Variants in NALF1 observed in about 807,000 individuals in gnomAD.
NALF1 encodes family with sequence similarity 155 member A.
Under a neutral mutation model 48.4 loss-of-function variants are expected in NALF1, and 3 were observed. The observed-to-expected ratio is 0.06, with a 90% CI of 0.03 to 0.16. The LOEUF (loss-of-function observed/expected upper bound fraction) is 0.16, where lower values mean the gene tolerates loss of function less well. NALF1 is among the 10% of genes least tolerant of loss of function. The probability of loss-of-function intolerance (pLI) is 1.00; values close to 1 mark genes in which losing one functional copy is unlikely to be tolerated. For synonymous variants in NALF1, 262 were observed against 245.7 expected (o/e 1.07, Z -0.62); for missense variants, 526 against 571.5 (o/e 0.92, Z 0.81).
At chr13:107,181,392 A>T (rs553017642) in intron 2 of NALF1, among the ~76,000 whole-genome samples, 7 of 151,730 alleles carry the variant, frequency 4.6e-5, no homozygotes, top group Admixed American at 1.3e-4. Context: ...ATTTGATAAT[A>T]GCTTTAGCCA....
chr13:107,796,875 G>A (rs1196815765), intron 1 of NALF1, among the ~76,000 whole-genome samples: 1 of 152,062 alleles, frequency 6.6e-6, no homozygotes, highest in Non-Finnish European at 1.5e-5. Flanking sequence ...ACTAACCTCT[G>A]GCACACTCAT....
At chr13:107,612,486 A>C (rs1437954693) in intron 1 of NALF1, among the ~76,000 whole-genome samples, 1 of 152,080 alleles carries the variant, frequency 6.6e-6, no homozygotes, top group Non-Finnish European at 1.5e-5. Context: ...GGGTGTGTCT[A>C]CGCTAGTGTT....
chr13:107,642,713 GAT>G (rs2138459883), intron 1 of NALF1, among the ~76,000 whole-genome samples: 1 of 152,304 alleles, frequency 6.6e-6, no homozygotes, highest in Non-Finnish European at 1.5e-5. Flanking sequence ...CACGTTAGAT[GAT>G]AATGGGGAAA....
chr13:107,606,288 GTT>G (rs752120830), intron 1 of NALF1, among the ~76,000 whole-genome samples: 7 of 151,398 alleles, frequency 4.6e-5, no homozygotes, highest in African/African-American at 1.5e-4. Flanking sequence ...ATATGTGTGT[GTT>G]TGTGTGTGTA....
chr13:107,823,020 A>C (rs1340065002), intron 1 of NALF1, among the ~76,000 whole-genome samples: 1 of 152,134 alleles, frequency 6.6e-6, no homozygotes, highest in East Asian at 1.9e-4. Flanking sequence ...GAGAATGAGA[A>C]TCTCTGTAAA....
intron 1 of NALF1, among the ~76,000 whole-genome samples, chr13:107,391,238 A>G (rs1883622255): frequency 6.6e-6 from 1 of 152,108 alleles, no homozygotes; most frequent in Non-Finnish European, 1.5e-5. Context: ...CTGAGGACTA[A>G]GCTCTAATTT....
intron 1 of NALF1, among the ~76,000 whole-genome samples, chr13:107,398,483 G>A (rs1883751155): frequency 6.6e-6 from 1 of 151,816 alleles, no homozygotes; most frequent in Admixed American, 6.6e-5. Context: ...TCTGGAAACT[G>A]AATGAAAGCA....
chr13:107,268,901 G>C (rs1485833694), intron 1 of NALF1, among the ~76,000 whole-genome samples: 1 of 152,136 alleles, frequency 6.6e-6, no homozygotes, highest in Non-Finnish European at 1.5e-5. Flanking sequence ...TAAGTATTTT[G>C]TTTGCTTTTC....
intron 1 of NALF1, among the ~76,000 whole-genome samples, chr13:107,564,285 A>G (rs1277992093): frequency 6.6e-6 from 1 of 152,166 alleles, no homozygotes; most frequent in Non-Finnish European, 1.5e-5. Flanking sequence ...TTGTTTGTAT[A>G]TGTGTGCATG....
intron 1 of NALF1, among the ~76,000 whole-genome samples, chr13:107,280,177 T>C (rs1024822954): frequency 7.9e-5 from 12 of 152,232 alleles, no homozygotes; most frequent in African/African-American, 2.9e-4. Flanking sequence ...TTTTTATGTC[T>C]GAACATTAGA....
intron 1 of NALF1, among the ~76,000 whole-genome samples, chr13:107,412,216 C>A (rs1372558953): frequency 2.0e-5 from 3 of 152,140 alleles, no homozygotes; most frequent in Admixed American, 2.0e-4. Flanking sequence ...ATAATCATAG[C>A]TGACACTTAC....
At chr13:107,533,327 C>G (rs2139110297) in intron 1 of NALF1, among the ~76,000 whole-genome samples, 1 of 152,198 alleles carries the variant, frequency 6.6e-6, no homozygotes, top group South Asian at 2.1e-4. Flanking sequence ...AACCAAATCA[C>G]CACAGTGACA....
At chr13:107,686,422 G>A (rs2138500541) in intron 1 of NALF1, among the ~76,000 whole-genome samples, 1 of 151,598 alleles carries the variant, frequency 6.6e-6, no homozygotes, top group Admixed American at 6.6e-5. Flanking sequence ...TTGAGACGGA[G>A]GCTCACTCTG....
chr13:107,229,073 G>T (rs1373079246), intron 1 of NALF1, among the ~76,000 whole-genome samples: 3 of 152,026 alleles, frequency 2.0e-5, no homozygotes. Flanking sequence ...ATGTTTTATG[G>T]TATTTACTAA....
chr13:107,840,758 A>G (rs573772669), intron 1 of NALF1, among the ~76,000 whole-genome samples: 9 of 152,164 alleles, frequency 5.9e-5, no homozygotes, highest in Non-Finnish European at 1.2e-4. Context: ...GGTTTTCAGT[A>G]CATCAAACCC....
intron 1 of NALF1, among the ~76,000 whole-genome samples, chr13:107,257,260 G>T (rs910815919): frequency 1.3e-5 from 2 of 152,096 alleles, no homozygotes; most frequent in African/African-American, 4.8e-5. Flanking sequence ...ACACAGAGCC[G>T]AACCATGTTA....
At position 107,861,356 on chromosome 13, in the gene NALF1, G is replaced by A. The variant is rs529298712; in HGVS notation, c.915+4326C>T. 1.6e-4 allele frequency among the ~76,000 whole-genome samples: 24 copies of A among 152,206 alleles called. No individual in the cohort carries two copies. The East Asian group carries it at 4.0e-3, about 26-fold the overall frequency. On this transcript the variant is annotated intron_variant, in intron 1 of 2. Coordinates refer to ENST00000375915, the MANE Select transcript of NALF1 (RefSeq NM_001080396.3). ...AAATAAAGTGGTAGAATATTAAAAT[G>A]TTCTATTTACAGATGTGTACTCCAC...
chr13:107,695,471 C>T (rs1881677158), intron 1 of NALF1, among the ~76,000 whole-genome samples: 1 of 152,132 alleles, frequency 6.6e-6, no homozygotes, highest in Non-Finnish European at 1.5e-5. Flanking sequence ...CAGGTTAATA[C>T]ATCCCTTTAA....
chr13:107,587,376 T>A (rs1878489257), intron 1 of NALF1, among the ~76,000 whole-genome samples: 1 of 152,196 alleles, frequency 6.6e-6, no homozygotes, highest in Non-Finnish European at 1.5e-5. Context: ...ATACACTTAC[T>A]GCTAAACTAT....
Sources: gnomAD v4.1 joint callset for allele counts (sites outside exome capture counted in the v4.1 genomes callset) on GRCh38, gnomAD v4.1.1 for gene constraint, MANE v1.5 for transcripts, NCBI Gene and HGNC (gene_info 2026-07-23, HGNC 2026-07-21) for gene names.